EDNRA: variants seen among roughly 807,000 people sequenced by gnomAD.
EDNRA encodes the protein endothelin-1 receptor.
A neutral mutation model predicts 41.4 loss-of-function variants in EDNRA; 11 were observed. That is an observed-to-expected ratio of 0.27 (90% confidence interval 0.17 to 0.44). The LOEUF is 0.44. EDNRA is among the 20% of genes least tolerant of loss of function. The pLI is 1.00. For synonymous variants in EDNRA, 172 were observed against 183.0 expected (o/e 0.94, Z 0.49); for missense variants, 294 against 531.0 (o/e 0.55, Z 4.39).
At chr4:147,518,272 G>T (rs182866482) in intron 2 of EDNRA, among the ~76,000 whole-genome samples, 16 of 152,288 alleles carry the variant, frequency 1.1e-4, no homozygotes, top group African/African-American at 3.4e-4. Context: ...ATAACCAGCA[G>T]TCAGCAATGG....
intron 2 of EDNRA, chr4:147,495,453 CTCCAAA>C (rs1490650519): frequency 5.9e-5 from 9 of 152,214 alleles, no homozygotes; most frequent in Non-Finnish European, 1.2e-4. Context: ...ATAGATTGCA[CTCCAAA>C]ATAGCATCTA....
chr4:147,506,224 A>G (rs1443071892), intron 2 of EDNRA: 2 of 519,916 alleles, frequency 3.8e-6, no homozygotes, highest in African/African-American at 1.9e-5. Context: ...AATATTCATG[A>G]TATTGGCCGA....
intron 3 of EDNRA, among the ~76,000 whole-genome samples, chr4:147,523,886 C>G (rs1333229094): frequency 6.6e-6 from 1 of 152,050 alleles, no homozygotes; most frequent in Non-Finnish European, 1.5e-5. Context: ...GTCTGACATC[C>G]CCTTCCCATC....
chr4:147,540,014 T>A, intron 6 of EDNRA, 64 bp downstream of exon 6: 1 of 1,533,848 alleles, frequency 6.5e-7, no homozygotes, highest in Non-Finnish European at 8.7e-7. Context: ...ATAATACTTT[T>A]ACAAAACCAG....
rs1399604116 is a variant in EDNRA, at chr4:147,532,786, C to T, written c.747+82C>T. The T allele has an allele frequency of 6.5e-6, 9 of 1,380,520 alleles. No homozygotes were observed. The African/African-American group carries it at 7.1e-5, about 11-fold the overall frequency. 85.5% of individuals were successfully genotyped at this position (1,380,520 alleles called of 1,614,324 possible). On this transcript the variant is annotated intron_variant, in intron 4 of 7. Transcript: ENST00000651419. Reference sequence around the variant, plus strand: ...TCACCATCTTGAGACTTGATGACATCGCCACAATGTCAAGTGTGGTTTCTT... The same window carrying T: ...TCACCATCTTGAGACTTGATGACATTGCCACAATGTCAAGTGTGGTTTCTT...
intron 3 of EDNRA, among the ~76,000 whole-genome samples, chr4:147,522,090 C>T (rs550168428): frequency 5.3e-4 from 81 of 151,914 alleles, no homozygotes; most frequent in Non-Finnish European, 9.9e-4. Flanking sequence ...TGAATATAAT[C>T]GGGGGAGGAA....
intron 2 of EDNRA, among the ~76,000 whole-genome samples, chr4:147,487,761 GAACA>G (rs758323276): frequency 2.0e-5 from 3 of 152,244 alleles, no homozygotes; most frequent in African/African-American, 4.8e-5. Flanking sequence ...AGAGATTAGA[GAACA>G]AACAATCAAA....
intron 3 of EDNRA, among the ~76,000 whole-genome samples, chr4:147,527,287 C>G (rs1730586658): frequency 6.6e-6 from 1 of 151,996 alleles, no homozygotes; most frequent in South Asian, 2.1e-4. Context: ...TACAAACAAG[C>G]TTATAGGCGT....
chr4:147,492,616 A>C (rs912232618), intron 2 of EDNRA: 7 of 151,394 alleles, frequency 4.6e-5, no homozygotes, highest in African/African-American at 1.7e-4. Flanking sequence ...ATATTAACCT[A>C]TAAGTGATTT....
At chr4:147,516,103 G>C (rs1355018133) in intron 2 of EDNRA, among the ~76,000 whole-genome samples, 7 of 152,194 alleles carry the variant, frequency 4.6e-5, no homozygotes, top group African/African-American at 1.7e-4. Flanking sequence ...TGGCCCAGCA[G>C]ATTGCCTTCT....
chr4:147,510,044 A>G (rs1282521352), intron 2 of EDNRA, among the ~76,000 whole-genome samples: 1 of 152,104 alleles, frequency 6.6e-6, no homozygotes, highest in Admixed American at 6.5e-5. Context: ...CCAAGTGTAA[A>G]ATGCTATAAT....
intron 1 of EDNRA, among the ~76,000 whole-genome samples, chr4:147,482,850 G>C (rs1031619390): frequency 5.9e-5 from 9 of 152,162 alleles, no homozygotes; most frequent in African/African-American, 1.7e-4. Flanking sequence ...CTGATGAGTA[G>C]AGCAGTACCC....
intron 3 of EDNRA, among the ~76,000 whole-genome samples, chr4:147,520,784 G>A (rs184607762): frequency 1.1e-3 from 163 of 152,272 alleles, no homozygotes; most frequent in African/African-American, 3.6e-3. Context: ...CTTTATCAGG[G>A]AACCTGAGTC....
chr4:147,540,294 T>G, intron 6 of EDNRA, 83 bp from the exon 7 acceptor site: 1 of 1,157,932 alleles, frequency 8.6e-7, no homozygotes, highest in East Asian at 2.6e-5. Flanking sequence ...GCAAGAAAAA[T>G]GCTTATTCTA....
Position 147,486,154 on chromosome 4 carries a change from A to G in EDNRA, c.420+53A>G, listed in dbSNP as rs1439679148. 6.5e-7 allele frequency: 1 copy of G among 1,538,030 alleles called. No individual in the cohort carries two copies. The highest frequency in any genetic ancestry group is 8.8e-7 in the Non-Finnish European group (1 of 1,141,788). On this transcript the variant is annotated intron_variant, in intron 2 of 7. Transcript: ENST00000651419. The surrounding 1 kb of genome is among the most constrained non-coding windows in gnomAD (Gnocchi z 4.3). ...AAATTTAAACCCATGCTCTGATTCC[A>G]CGTGGAGAGTTGCTGCAGACTTTTC...
chr4:147,503,635 T>G (rs1458816865), intron 2 of EDNRA, among the ~76,000 whole-genome samples: 1 of 152,212 alleles, frequency 6.6e-6, no homozygotes, highest in Non-Finnish European at 1.5e-5. Context: ...ATTGTAATTT[T>G]TTGCTATACC....
chr4:147,515,861 T>C (rs897849454), intron 2 of EDNRA, among the ~76,000 whole-genome samples: 6 of 152,178 alleles, frequency 3.9e-5, no homozygotes, highest in African/African-American at 1.4e-4. Flanking sequence ...TATCAGTGTA[T>C]CATATGGTAC....
intron 4 of EDNRA, 24 bp from the exon 5 acceptor site, chr4:147,535,853 C>T (rs199629617): frequency 8.0e-7 from 1 of 1,248,698 alleles, no homozygotes; most frequent in African/African-American, 2.0e-5. Context: ...CTCCTTTTCT[C>T]TTTTTTTTTT....
chr4:147,515,009 G>T (rs1465497731), intron 2 of EDNRA, among the ~76,000 whole-genome samples: 1 of 152,176 alleles, frequency 6.6e-6, no homozygotes, highest in Non-Finnish European at 1.5e-5. Context: ...CCAGCCATCT[G>T]TGTTTCAATG....
Sources: gnomAD v4.1 joint callset for allele counts (sites outside exome capture counted in the v4.1 genomes callset) on GRCh38, gnomAD v4.1.1 for gene constraint, Gnocchi (gnomAD v3.1) non-coding constraint, MANE v1.5 for transcripts, NCBI Gene and HGNC (gene_info 2026-07-23, HGNC 2026-07-21) for gene names.